The following INPPL1 variants were observed in gnomAD, a reference collection of about 807,000 sequenced individuals.
INPPL1 encodes the protein inositol polyphosphate phosphatase like 1, also known as phosphatidylinositol 3,4,5-trisphosphate 5-phosphatase 2.
INPPL1 carries 91 observed loss-of-function variants against 139.3 expected under a neutral mutation model. That is an observed-to-expected ratio of 0.65 (90% CI 0.55 to 0.78). The LOEUF is 0.78. INPPL1 is among the 30% of genes least tolerant of loss of function. The probability of loss-of-function intolerance (pLI) is 0.00; values close to 1 mark genes in which losing one functional copy is unlikely to be tolerated. For synonymous variants in INPPL1, 719 were observed against 686.6 expected (o/e 1.05, Z -0.74); for missense variants, 1,411 against 1,665.6 (o/e 0.85, Z 2.66).
rs1233482108 is a variant in INPPL1 at position 72,228,610 on chromosome 11, A to G, written c.397+112A>G. 3.3e-6 allele frequency: 5 copies of G among 1,502,808 alleles called. No homozygotes were observed. Among genetic ancestry groups the G allele is most frequent in the Non-Finnish European group, 4.5e-6 (5 of 1,121,568 alleles). The allele number at this position is 1,502,808 out of a possible 1,614,324, so 93.1% of individuals were successfully genotyped here. A position where few individuals can be genotyped will look rare whatever the true frequency, so the allele number is the denominator to read the frequency against. ...TCCTGTAACCCCCTTTCCCTTGGCCATGATGCCGGGGCCCTTTAACCCTCT... is the reference window on the plus strand; with the variant it reads ...TCCTGTAACCCCCTTTCCCTTGGCCGTGATGCCGGGGCCCTTTAACCCTCT... On this transcript the variant is annotated intron_variant, in intron 3 of 27. Transcript: ENST00000298229. This position sits in a 1 kb window ranked among gnomAD's most constrained non-coding sequence, Gnocchi z 5.0.
Position 72,237,382 on chromosome 11 carries a change from C to T in INPPL1, c.3138C>T (p.Gly1046=). 1 of 1,613,894 alleles carries T rather than the reference C, an allele frequency of 6.2e-7. No homozygotes were observed. The highest frequency in any genetic ancestry group is 8.5e-7 in the Non-Finnish European group (1 of 1,180,006). ...EGSSSDEESG[G]TLPPPDFPPP... Reference sequence around the variant, plus strand: ...GTTCTTCAGATGAGGAGTCTGGAGGCACACTGCCCCCTCCAGACTTTCCAC... The same window carrying T: ...GTTCTTCAGATGAGGAGTCTGGAGGTACACTGCCCCCTCCAGACTTTCCAC... The change falls in exon 26 of 28, where the codon GGC becomes GGT. Residue 1046 remains glycine, a synonymous_variant. Transcript: ENST00000298229.
chr11:72,235,486 G>A lies in INPPL1; in HGVS notation c.2659+35G>A. ...CCACTGGGACATGAGATAGGGTGGT[G>A]TGAACAGATCAAGGAGGGCAGGGTG... On this transcript the variant is annotated intron_variant, in intron 23 of 27. Coordinates refer to ENST00000298229, the MANE Select transcript of INPPL1 (RefSeq NM_001567.4). The surrounding 1 kb of genome is among the most constrained non-coding windows in gnomAD (Gnocchi z 4.9). The A allele has an allele frequency of 4.4e-6, 7 of 1,604,922 alleles. No homozygotes were observed. Among genetic ancestry groups the A allele is most frequent in the Non-Finnish European group, 5.9e-6 (7 of 1,177,430 alleles).
chr11:72,238,401 C>T lies in INPPL1; in HGVS notation c.*48C>T, dbSNP rs978563690. ...TGAACTCAGAGCCCCTCCCTGCTAC[C>T]AAGGCCCAGCTATGGCCCCAGGGTT... On this transcript the variant is annotated 3_prime_UTR_variant, in exon 28 of 28. Transcript: ENST00000298229. 6.8e-7 allele frequency: 1 copy of T among 1,466,990 alleles called. No individual in the cohort carries two copies. Among genetic ancestry groups the T allele is most frequent in the African/African-American group, 1.4e-5 (1 of 69,996 alleles). 90.9% of individuals were successfully genotyped at this position (1,466,990 alleles called of 1,614,324 possible).
At chr11:72,227,285 G>A (rs142439563) in intron 1 of INPPL1, among the ~76,000 whole-genome samples, 3,028 of 152,292 alleles carry the variant, frequency 0.02, 70 homozygotes, top group Non-Finnish European at 0.024. Flanking sequence ...GCTGGAGAAT[G>A]GGGATAATAA....
In INPPL1 at chr11:72,234,831, G is replaced by A. The variant is rs1489746251; in HGVS notation, c.2415+216G>A. Among the ~76,000 whole-genome samples the A allele has an allele frequency of 6.6e-6, 1 of 152,052 alleles. No individual in the cohort carries two copies. The highest frequency in any genetic ancestry group is 1.5e-5 in the Non-Finnish European group (1 of 68,022). On this transcript the variant is annotated intron_variant, in intron 21 of 27. Transcript: ENST00000298229. The surrounding 1 kb of genome is among the most constrained non-coding windows in gnomAD (Gnocchi z 4.2). ...TTTGGGAGTGTGGAACCTTGTTGCA[G>A]TTTGTTCATTCATTCAGGAGATGCT...
chr11:72,225,243 G>T (rs1948636883), intron 1 of INPPL1, 77 bp downstream of exon 1: 1 of 1,224,142 alleles, frequency 8.2e-7, no homozygotes, highest in South Asian at 4.1e-5. Context: ...AAGGGCCCGG[G>T]TGAGGGTTTC....
At chr11:72,237,925 G>A in intron 26 of INPPL1, 117 bp from the exon 27 acceptor site, 1 of 1,444,768 alleles carries the variant, frequency 6.9e-7, no homozygotes, top group Non-Finnish European at 9.2e-7. Context: ...GAAGTTGGGA[G>A]ACACATGTAT....
Position 72,234,709 on chromosome 11 carries a change from G to A in INPPL1, c.2415+94G>A. On this transcript the variant is annotated intron_variant, in intron 21 of 27. Coordinates refer to ENST00000298229, the MANE Select transcript of INPPL1 (RefSeq NM_001567.4). The surrounding 1 kb of genome is among the most constrained non-coding windows in gnomAD (Gnocchi z 4.2). ...AGAGCCTGCCTGGGAGGGAGTGTGG[G>A]GCCAGCAGAGAGAGAGAGAGAGAGT... 1.2e-6 allele frequency: 1 copy of A among 830,374 alleles called. No individual in the cohort carries two copies. Among genetic ancestry groups the A allele is most frequent in the Non-Finnish European group, 2.0e-6 (1 of 501,006 alleles). 51.4% of individuals were successfully genotyped at this position (830,374 alleles called of 1,614,324 possible). A position where few individuals can be genotyped will look rare whatever the true frequency, so the allele number is the denominator to read the frequency against.
rs772342967 is a variant in INPPL1 at position 72,238,265 on chromosome 11, A to C, written c.3689A>C (p.Asp1230Ala). ...TCCCAGCCTGTTTTACTCCACAGTG[A>C]CATCACCGAGGAGGACTTGGAGGAG... ...NGWDDLEFLS[D>A]ITEEDLEEAG... The change falls in exon 28 of 28, where the codon GAC becomes GCC. Residue 1230 changes from aspartate (D) to alanine (A), a missense_variant and splice_region_variant. Physicochemically the swap from Asp to Ala is moderately radical, Grantham distance 126. Coordinates refer to ENST00000298229, the MANE Select transcript of INPPL1 (RefSeq NM_001567.4). 19 of 1,613,276 alleles carry C rather than the reference A, an allele frequency of 1.2e-5. No individual in the cohort carries two copies. The highest frequency in any genetic ancestry group is 1.6e-5 in the Non-Finnish European group (19 of 1,179,590).
chr11:72,236,058 C>T, intron 25 of INPPL1, 72 bp downstream of exon 25: 1 of 861,508 alleles, frequency 1.2e-6, no homozygotes, highest in South Asian at 1.8e-5. Context: ...CCTGCAGGGT[C>T]TCAGGGTTGG....
rs1041186915 is a variant in INPPL1 at position 72,235,697 on chromosome 11, T to A, written c.2682T>A (p.Asp894Glu). ...CAGAGTGGATCAGCATTGATAAGGATGAGGCAGGAGCAAAGAGCAAAGCCC... is the reference window on the plus strand; with the variant it reads ...CAGAGTGGATCAGCATTGATAAGGAAGAGGCAGGAGCAAAGAGCAAAGCCC... The part of the protein sequence containing the change: ...RLYEWISIDK[D>E]EAGAKSKAPS... Residue 894 changes from aspartate to glutamate, a missense_variant, in exon 24 of 28, where the codon GAT becomes GAA. Physicochemically the swap from Asp to Glu is conservative, Grantham distance 45. Transcript: ENST00000298229. The surrounding 1 kb of genome is among the most constrained non-coding windows in gnomAD (Gnocchi z 4.9). 1.2e-6 allele frequency: 2 copies of A among 1,613,848 alleles called. No individual in the cohort carries two copies.
At position 72,225,131 on chromosome 11, in the gene INPPL1, CGA is replaced by C; in HGVS notation, c.151_152del (p.Ser51ArgfsTer23). 8.1e-7 allele frequency: 1 copy of C among 1,234,492 alleles called. No individual in the cohort carries two copies. Among genetic ancestry groups the C allele is most frequent in the Non-Finnish European group, 1.0e-6 (1 of 989,286 alleles). 76.5% of individuals were successfully genotyped at this position (1,234,492 alleles called of 1,614,324 possible). A position where few individuals can be genotyped will look rare whatever the true frequency, so the allele number is the denominator to read the frequency against. On this transcript the variant is annotated frameshift_variant, in exon 1 of 28. Transcript: ENST00000298229. LOFTEE classifies it high-confidence loss of function. ...RDGSFLVRDSESVAGAFALCV... is the reference protein window; with the variant it reads ...RDGSFLVRDSXSVAGAFALCV... ...ATGGCAGCTTCCTGGTCCGAGACAG[CGA>C]GAGCGTGGCGGGGGCCTTCGCGCTC...
At chr11:72,227,263 C>A (rs1048928605) in intron 1 of INPPL1, among the ~76,000 whole-genome samples, 1 of 152,090 alleles carries the variant, frequency 6.6e-6, no homozygotes, top group Admixed American at 6.5e-5. Context: ...ATTCTTTGAG[C>A]CTGTTTCCTC....
At chr11:72,227,127 C>A (rs1161779205) in intron 1 of INPPL1, among the ~76,000 whole-genome samples, 2 of 152,188 alleles carry the variant, frequency 1.3e-5, no homozygotes, top group Non-Finnish European at 2.9e-5. Context: ...ATGCAAGACA[C>A]GCCCCTGCCC....
Position 72,235,564 on chromosome 11 carries a change from G to A in INPPL1, c.2660-111G>A. ...ACCTGGAGGTTCTGCAGCCACAGCT[G>A]GGAATAGTCCTGCCCCAAGGCATAG... On this transcript the variant is annotated intron_variant, in intron 23 of 27. Transcript: ENST00000298229. This position sits in a 1 kb window ranked among gnomAD's most constrained non-coding sequence, Gnocchi z 4.9. The A allele has an allele frequency of 2.6e-6, 4 of 1,560,412 alleles. No individual in the cohort carries two copies. The highest frequency in any genetic ancestry group is 3.5e-6 in the Non-Finnish European group (4 of 1,143,364).
chr11:72,227,972 G>C, intron 1 of INPPL1: 1 of 378,780 alleles, frequency 2.6e-6, no homozygotes, highest in South Asian at 7.4e-5. Flanking sequence ...GTCTGGTGGG[G>C]AGACGGGGGT....
intron 10 of INPPL1, 53 bp from the exon 11 acceptor site, chr11:72,230,743 A>C: frequency 1.3e-6 from 2 of 1,484,440 alleles, no homozygotes; most frequent in Non-Finnish European, 1.9e-6. Flanking sequence ...ATCCCTGTGG[A>C]CGGGGGGCTT....
chr11:72,234,110 G>A lies in INPPL1; in HGVS notation c.2213-171G>A, dbSNP rs1462629216. Among the ~76,000 whole-genome samples the A allele has an allele frequency of 1.3e-5, 2 of 152,132 alleles. No homozygotes were observed. The highest frequency in any genetic ancestry group is 6.5e-5 in the Admixed American group (1 of 15,272). ...GGGTTGTCTCTTTGCTCTGGTCCAG[G>A]GTCTGGCCTCTGGAGATTCCCTGTT... On this transcript the variant is annotated intron_variant, in intron 19 of 27. Coordinates refer to ENST00000298229, the MANE Select transcript of INPPL1 (RefSeq NM_001567.4). This position sits in a 1 kb window ranked among gnomAD's most constrained non-coding sequence, Gnocchi z 4.2.
chr11:72,238,141 G>A lies in INPPL1; in HGVS notation c.3652G>A (p.Val1218Met). ...CTTGGAGCGCTATGAGGAGGGCCTG[G>A]TGCATAATGGCTGGGACGACCTGGA... ...IGLERYEEGL[V>M]HNGWDDLEFL... The change falls in exon 27 of 28, where the codon GTG (valine) becomes ATG (methionine). Residue 1218 changes from valine to methionine, a missense_variant. By Grantham distance (21) the Val-to-Met change is conservative. Around this residue, in one of 5 missense-constraint regions of INPPL1, gnomAD observed 438 missense variants for 425.7 expected, o/e 1.03. Transcript: ENST00000298229. 2 of 1,591,888 alleles carry A rather than the reference G, an allele frequency of 1.3e-6. No individual in the cohort carries two copies. Among genetic ancestry groups the A allele is most frequent in the Non-Finnish European group, 8.6e-7 (1 of 1,169,242 alleles).
Sources: allele counts gnomAD v4.1 joint callset (sites outside exome capture counted in the v4.1 genomes callset), GRCh38; gene constraint gnomAD v4.1.1; regional missense constraint gnomAD v4.1.1; non-coding constraint Gnocchi (gnomAD v3.1); transcripts MANE v1.5; gene names NCBI Gene and HGNC (gene_info 2026-07-23, HGNC 2026-07-21).